The following HNRNPA1L2 variants were observed in gnomAD, a reference collection of about 807,000 sequenced individuals.
HNRNPA1L2 encodes heterogeneous nuclear ribonucleoprotein A1 like 2.
HNRNPA1L2 carries 10 observed loss-of-function variants against 18.2 expected under a neutral mutation model. That is an observed-to-expected ratio of 0.55 (90% confidence interval 0.34 to 0.93). The LOEUF (loss-of-function observed/expected upper bound fraction) is 0.93. Among genes scored for constraint, HNRNPA1L2 ranks in the 40% least tolerant of loss-of-function variants. The pLI is 0.02. For missense variants in HNRNPA1L2, 308 were observed against 394.4 expected, an observed-to-expected ratio of 0.78 and a Z score of 1.85; for synonymous variants, 124 against 138.6, an observed-to-expected ratio of 0.89 and a Z score of 0.74.
At chr13:52,633,791 G>A in the HNRNPA1L2 span, among the ~76,000 whole-genome samples, 9 of 152,014 alleles carry the variant, frequency 5.9e-5, no homozygotes, top group Admixed American at 3.9e-4. Context: ...CAGCCTAAGC[G>A]ACAGAGTGAG....
At chr13:52,633,858 C>T in the HNRNPA1L2 span, among the ~76,000 whole-genome samples, 8 of 152,100 alleles carry the variant, frequency 5.3e-5, no homozygotes, top group Non-Finnish European at 1.2e-4. Flanking sequence ...GTTCCTGGGC[C>T]AGCCTCCAAT....
Position 52,642,775 on chromosome 13 carries a change from T to G in HNRNPA1L2, c.283T>G (p.Ser95Ala). 6.3e-7 allele frequency: 1 copy of G among 1,597,902 alleles called. No homozygotes were observed. Among genetic ancestry groups the G allele is most frequent in the Non-Finnish European group, 8.5e-7 (1 of 1,179,720 alleles). ...EPKRAVSRED[S>A]QRPGAHLTVK... ...AAAGAGAGCTGTCTCCAGAGAAGAT[T>G]CTCAAAGACCAGGTGCCCACTTAAC... Residue 95 changes from serine to alanine, a missense_variant, in exon 1 of 1, where the codon TCT becomes GCT. Physicochemically the swap from Ser to Ala is moderately conservative, Grantham distance 99. Transcript: ENST00000357495.
chr13:52,619,906 C>T, the HNRNPA1L2 span, among the ~76,000 whole-genome samples: 2 of 113,896 alleles, frequency 1.8e-5, no homozygotes, highest in Non-Finnish European at 1.6e-5. Context: ...GGCGACAGAG[C>T]GAGATTCCGT....
At chr13:52,642,148 T>G, upstream of HNRNPA1L2, 1 of 304,980 alleles carries the variant, frequency 3.3e-6, no homozygotes, top group Admixed American at 4.6e-5. Context: ...CCATATTGTT[T>G]GCCAATATGG....
At chr13:52,632,404 A>G in the HNRNPA1L2 span, 3 of 152,588 alleles carry the variant, frequency 2.0e-5, no homozygotes, top group African/African-American at 7.2e-5. Flanking sequence ...ATATTCATTA[A>G]AATGTTCTTT....
chr13:52,638,476 G>A (rs551276288), upstream of HNRNPA1L2, among the ~76,000 whole-genome samples: 1 of 147,514 alleles, frequency 6.8e-6, no homozygotes, highest in Non-Finnish European at 1.5e-5. Flanking sequence ...TACACATTTG[G>A]TTCTAAAGAA....
upstream of HNRNPA1L2, among the ~76,000 whole-genome samples, chr13:52,639,241 A>C (rs1248508013): frequency 1.6e-4 from 25 of 152,192 alleles, no homozygotes; most frequent in African/African-American, 6.0e-4. Flanking sequence ...AACCCTTTAT[A>C]ATAAAAAAGA....
chr13:52,625,590 A>T, the HNRNPA1L2 span, among the ~76,000 whole-genome samples: 290 of 152,318 alleles, frequency 1.9e-3, no homozygotes, highest in Non-Finnish European at 3.0e-3. Context: ...TATGAAATGC[A>T]TGATTCTGAA....
chr13:52,629,856 G>T, the HNRNPA1L2 span, among the ~76,000 whole-genome samples: 14 of 152,184 alleles, frequency 9.2e-5, no homozygotes, highest in Non-Finnish European at 2.1e-4. Context: ...TTAGAGGGCC[G>T]AGGCAGGCGG....
At chr13:52,617,662 TG>T in the HNRNPA1L2 span, 1 of 460,596 alleles carries the variant, frequency 2.2e-6, no homozygotes, top group Non-Finnish European at 3.9e-6. Flanking sequence ...TGCTACTCGC[TG>T]CTCGGCGTGG....
the HNRNPA1L2 span, among the ~76,000 whole-genome samples, chr13:52,624,662 A>G: frequency 6.6e-6 from 1 of 152,222 alleles, no homozygotes; most frequent in Admixed American, 6.5e-5. Flanking sequence ...ACCAATTAAA[A>G]AATACAGTAT....
At chr13:52,619,741 G>C in the HNRNPA1L2 span, among the ~76,000 whole-genome samples, 1 of 151,884 alleles carries the variant, frequency 6.6e-6, no homozygotes, top group Non-Finnish European at 1.5e-5. Flanking sequence ...CTAACATGGT[G>C]AAACCCCGTC....
rs776762512 is a variant in HNRNPA1L2 at position 52,643,145 on chromosome 13, G to A, written c.653G>A (p.Arg218His). ...TTCGGTGGGAATGACAACTTTGGTC[G>A]TGGAGGAAACTTCAGTGGTCGTGGT... Reference protein sequence around the residue: ...DGFGGNDNFGRGGNFSGRGGF... With the variant: ...DGFGGNDNFGHGGNFSGRGGF... The change falls in exon 1 of 1, where the codon CGT becomes CAT. Residue 218 changes from arginine to histidine, a missense_variant. Physicochemically the swap from Arg to His is conservative, Grantham distance 29. Coordinates refer to ENST00000357495, the MANE Select transcript of HNRNPA1L2 (RefSeq NM_001389320.1). 79 of 1,597,962 alleles carry A rather than the reference G, an allele frequency of 4.9e-5. 2 individuals carry two copies. Among genetic ancestry groups the A allele is most frequent in the Middle Eastern group, 2.1e-4 (1 of 4,864 alleles).
Position 52,643,240 on chromosome 13 carries a change from G to A in HNRNPA1L2, c.748G>A (p.Asp250Asn), listed in dbSNP as rs1177283119. Residue 250 changes from aspartate to asparagine, a missense_variant, in exon 1 of 1, where the codon GAT becomes AAT. Physicochemically the swap from Asp to Asn is conservative, Grantham distance 23. Transcript: ENST00000357495. Reference protein sequence around the residue: ...SGDGYNGFGNDGSNFGGGGSY... With the variant: ...SGDGYNGFGNNGSNFGGGGSY... ...GGATGGCTATAATGGATTTGGTAAT[G>A]ATGGAAGCAATTTTGGAGGTGGTGG... is the stretch of plus-strand genomic sequence containing the variant. 2 of 1,596,536 alleles carry A rather than the reference G, an allele frequency of 1.3e-6. No individual in the cohort carries two copies. Among genetic ancestry groups the A allele is most frequent in the Non-Finnish European group, 1.7e-6 (2 of 1,178,920 alleles).
At chr13:52,620,925 G>A in the HNRNPA1L2 span, among the ~76,000 whole-genome samples, 1 of 152,008 alleles carries the variant, frequency 6.6e-6, no homozygotes, top group South Asian at 2.1e-4. Context: ...GAGAAGCAGT[G>A]CTGTAGCACA....
the HNRNPA1L2 span, among the ~76,000 whole-genome samples, chr13:52,636,702 A>G: frequency 6.6e-6 from 1 of 152,246 alleles, no homozygotes; most frequent in African/African-American, 2.4e-5. Flanking sequence ...TATAAAAAAT[A>G]TTCATATTCA....
the HNRNPA1L2 span, among the ~76,000 whole-genome samples, chr13:52,626,410 C>G: frequency 7.0e-6 from 1 of 142,640 alleles, no homozygotes; most frequent in Non-Finnish European, 1.5e-5. Context: ...TCACGACATA[C>G]TGAGATCCCA....
the HNRNPA1L2 span, among the ~76,000 whole-genome samples, chr13:52,620,471 C>T: frequency 6.6e-6 from 1 of 152,210 alleles, no homozygotes; most frequent in African/African-American, 2.4e-5. Flanking sequence ...AACATAGCTA[C>T]TGTAATGTGG....
Position 52,643,065 on chromosome 13 carries a change from C to G in HNRNPA1L2, c.573C>G (p.Ser191=). Residue 191 remains serine (S), a synonymous_variant, in exon 1 of 1, where the codon TCC becomes TCG. Transcript: ENST00000357495. ...AGCAAGAGATGGCTAGTGCTTCATC[C>G]AGCCAAAGAGGTCGAAGGGGTTCTG... is the stretch of plus-strand genomic sequence containing the variant. The part of the protein sequence containing the change: ...LPKQEMASAS[S]SQRGRRGSGN... 6.3e-7 allele frequency: 1 copy of G among 1,597,568 alleles called. No individual in the cohort carries two copies. Among genetic ancestry groups the G allele is most frequent in the Non-Finnish European group, 8.5e-7 (1 of 1,179,784 alleles).
Sources: allele counts gnomAD v4.1 joint callset (sites outside exome capture counted in the v4.1 genomes callset), GRCh38; gene constraint gnomAD v4.1.1; transcripts MANE v1.5; gene names NCBI Gene and HGNC (gene_info 2026-07-23, HGNC 2026-07-21).